AGBL1: variants seen among roughly 807,000 people sequenced by gnomAD.
AGBL1 encodes cytosolic carboxypeptidase 4.
A neutral mutation model predicts 118.9 loss-of-function variants in AGBL1; 130 were observed. The ratio of observed to expected loss-of-function variants is 1.09; its 90% CI spans 0.95 to 1.26. AGBL1 has a LOEUF of 1.26. Among genes scored for constraint, AGBL1 ranks in the 50% most tolerant of loss-of-function variants. The pLI is 0.00. For missense variants in AGBL1, 1,584 were observed against 1,298.1 expected (o/e 1.22, Z -3.38); for synonymous variants, 555 against 478.9 (o/e 1.16, Z -2.08).
intron 24 of AGBL1, among the ~76,000 whole-genome samples, chr15:86,994,203 T>C (rs1043467428): frequency 6.6e-6 from 1 of 152,168 alleles, no homozygotes; most frequent in Non-Finnish European, 1.5e-5. Context: ...ATTGGAATGA[T>C]ATGGATAGCC....
chr15:86,940,038 A>T (rs892311), intron 23 of AGBL1, among the ~76,000 whole-genome samples: 1 of 144,286 alleles, frequency 6.9e-6, no homozygotes, highest in Non-Finnish European at 1.5e-5. Flanking sequence ...TGTGTCAACA[A>T]ACTCAGCTAA....
chr15:86,957,714 A>T (rs2080944729), intron 23 of AGBL1, among the ~76,000 whole-genome samples: 1 of 152,104 alleles, frequency 6.6e-6, no homozygotes, highest in South Asian at 2.1e-4. Flanking sequence ...TTCAAAACAA[A>T]TGTAGATTTA....
chr15:87,009,811 T>C (rs2081540087), intron 24 of AGBL1, among the ~76,000 whole-genome samples: 1 of 152,184 alleles, frequency 6.6e-6, no homozygotes, highest in Non-Finnish European at 1.5e-5. Context: ...CCACTGGATT[T>C]TGGACTTGCA....
At chr15:86,762,223 G>A (rs2078036706) in intron 22 of AGBL1, among the ~76,000 whole-genome samples, 1 of 151,938 alleles carries the variant, frequency 6.6e-6, no homozygotes, top group East Asian at 1.9e-4. Context: ...TGTTGGGGGA[G>A]GTTGGTGGGA....
rs143763303 is a variant in AGBL1 at position 86,379,857 on chromosome 15, G to A, written c.2375-17509G>A. 2.3e-3 allele frequency among the ~76,000 whole-genome samples: 345 copies of A among 152,306 alleles called. 2 individuals carry two copies. The highest frequency in any genetic ancestry group is 4.2e-3 in the Non-Finnish European group (288 of 68,018). On this transcript the variant is annotated intron_variant, in intron 17 of 22. Transcript: ENST00000614907. ...AGTGGAGCAGTCCAATCTTAACCAT[G>A]TAGCTGTGTCTCACTTAAAAAACAA...
rs899887204 is a variant in AGBL1 at position 86,938,530 on chromosome 15, T to C, written c.3222-49457T>C. Among the ~76,000 whole-genome samples, 23 of 152,264 alleles carry C rather than the reference T, an allele frequency of 1.5e-4. 1 individual carries two copies. The East Asian group carries it at 4.1e-3, about 27-fold the overall frequency. Reference sequence around the variant, plus strand: ...GGCAGCTGAACGTATTTCCAACTAATATGGAAGAATGGCATGGGGGCTGTT... The same window carrying C: ...GGCAGCTGAACGTATTTCCAACTAACATGGAAGAATGGCATGGGGGCTGTT... On this transcript the variant is annotated intron_variant, in intron 23 of 24. Transcript: ENST00000441037.
At chr15:86,333,225 C>T (rs995044266) in intron 17 of AGBL1, among the ~76,000 whole-genome samples, 2 of 152,052 alleles carry the variant, frequency 1.3e-5, no homozygotes, top group African/African-American at 4.8e-5. Context: ...AAAATCCATA[C>T]AAAGAATTGA....
At chr15:86,963,819 G>A (rs2081018474) in intron 23 of AGBL1, among the ~76,000 whole-genome samples, 1 of 151,908 alleles carries the variant, frequency 6.6e-6, no homozygotes, top group Non-Finnish European at 1.5e-5. Flanking sequence ...CTTCCTAGTG[G>A]ACGAGTGTCT....
At chr15:86,386,343 CT>C (rs1302619067) in intron 17 of AGBL1, among the ~76,000 whole-genome samples, 1 of 140,040 alleles carries the variant, frequency 7.1e-6, no homozygotes, top group East Asian at 2.1e-4. Context: ...AATGGCTACT[CT>C]GTAGGCAGAG....
At position 86,674,393 on chromosome 15, in the gene AGBL1, C is replaced by G. The variant is rs957812149; in HGVS notation, c.3115C>G (p.Leu1039Val). ...TCAGCTCCTGGCTCAAGCTGCAACT[C>G]TGCTGAGTGCTGAGGAGGACGCTCT... ...SHQLLAQAAT[L>V]LSAEEDALDQ... The change falls in exon 22 of 23, where the codon CTG becomes GTG. Residue 1039 changes from leucine to valine, a missense_variant. By Grantham distance (32) the Leu-to-Val change is conservative. Coordinates refer to ENST00000614907, the MANE Select transcript of AGBL1 (RefSeq NM_001386094.1). 1 of 1,613,160 alleles carries G rather than the reference C, an allele frequency of 6.2e-7. No homozygotes were observed. Among genetic ancestry groups the G allele is most frequent in the African/African-American group, 1.3e-5 (1 of 74,932 alleles).
At chr15:86,433,575 GA>G (rs1567256624) in intron 18 of AGBL1, among the ~76,000 whole-genome samples, 8 of 152,118 alleles carry the variant, frequency 5.3e-5, no homozygotes, top group Non-Finnish European at 8.8e-5. Context: ...CTTGGAGAGA[GA>G]AGTGTGTCAG....
chr15:87,030,069 G>T (rs375484366), downstream of AGBL1, among the ~76,000 whole-genome samples: 3 of 151,850 alleles, frequency 2.0e-5, no homozygotes, highest in Non-Finnish European at 2.9e-5. Context: ...CAATTAAAAG[G>T]TTGGATACTT....
intron 19 of AGBL1, among the ~76,000 whole-genome samples, chr15:86,524,684 G>A (rs982148876): frequency 6.6e-6 from 1 of 152,128 alleles, no homozygotes; most frequent in African/African-American, 2.4e-5. Context: ...TCAACCATCT[G>A]GCATGGCCCA....
At chr15:86,269,865 A>C in intron 13 of AGBL1, 54 bp from the exon 14 acceptor site, 6 of 1,581,086 alleles carry the variant, frequency 3.8e-6, no homozygotes, top group Non-Finnish European at 5.2e-6. Context: ...TAGTGTCTGA[A>C]GTTTACCTGA....
At chr15:86,204,845 C>G (rs964458881) in intron 5 of AGBL1, among the ~76,000 whole-genome samples, 4 of 152,148 alleles carry the variant, frequency 2.6e-5, no homozygotes, top group Admixed American at 1.3e-4. Context: ...CTGCCTTGGC[C>G]TCTCAAAGTT....
At chr15:86,484,553 A>G (rs1567018882) in intron 18 of AGBL1, among the ~76,000 whole-genome samples, 1 of 152,122 alleles carries the variant, frequency 6.6e-6, no homozygotes, top group Non-Finnish European at 1.5e-5. Flanking sequence ...TTCTTTAAGG[A>G]AGCATGTGTT....
chr15:86,298,286 C>CTATATATATATATATGGTAACTATA (rs71460469), intron 17 of AGBL1, among the ~76,000 whole-genome samples: 1 of 63,090 alleles, frequency 1.6e-5, no homozygotes, highest in African/African-American at 5.9e-5. Flanking sequence ...TATATGGTAA[C>CTATATATATATATATGGTAACTATA]TATATATATA....
chr15:86,537,429 A>C (rs891935254), intron 19 of AGBL1, among the ~76,000 whole-genome samples: 2 of 152,306 alleles, frequency 1.3e-5, no homozygotes, highest in Non-Finnish European at 1.5e-5. Context: ...CATCCAGGCT[A>C]CTGCTTCTCT....
In AGBL1 at chr15:86,705,962, T is replaced by A. The variant is rs1008352326; in HGVS notation, c.3158+31526T>A. ...TACTGAAACCATCTCTCTTACTTCA[T>A]CTTTTGGAAAAAAAAAACTTTAAAA... is the stretch of plus-strand genomic sequence containing the variant. On this transcript the variant is annotated intron_variant, in intron 22 of 22. Coordinates refer to ENST00000614907, the MANE Select transcript of AGBL1 (RefSeq NM_001386094.1). Among the ~76,000 whole-genome samples the A allele has an allele frequency of 2.4e-5, 3 of 123,230 alleles. No individual in the cohort carries two copies. In the East Asian group the frequency reaches 8.0e-4, roughly 33 times the overall value. 80.8% of individuals were successfully genotyped at this position (123,230 alleles called of 152,430 possible).
Sources: allele counts gnomAD v4.1 joint callset (sites outside exome capture counted in the v4.1 genomes callset), GRCh38; gene constraint gnomAD v4.1.1; transcripts MANE v1.5; gene names NCBI Gene and HGNC (gene_info 2026-07-23, HGNC 2026-07-21).